Variants in HSD17B4 observed in about 807,000 individuals in gnomAD.
HSD17B4 encodes the protein peroxisomal multifunctional enzyme type 2.
In HSD17B4, 70 loss-of-function variants were observed where a neutral mutation model predicts 101.0. That is an observed-to-expected ratio of 0.69 (90% CI 0.57 to 0.85). HSD17B4 has a LOEUF of 0.85. Ranked by LOEUF, HSD17B4 falls within the 40% of genes least tolerant of loss-of-function variation. HSD17B4 has a pLI of 0.00. For missense variants in HSD17B4, 984 were observed against 892.4 expected (o/e 1.10, Z -1.31); for synonymous variants, 347 against 297.1 (o/e 1.17, Z -1.73).
intron 1 of HSD17B4, among the ~76,000 whole-genome samples, chr5:119,454,731 C>T (rs1242537930): frequency 6.6e-6 from 1 of 152,096 alleles, no homozygotes; most frequent in Non-Finnish European, 1.5e-5. Flanking sequence ...AAACAATTCT[C>T]CTACCTCAGC....
At chr5:119,540,712 G>T (rs1326371315) in intron 23 of HSD17B4, among the ~76,000 whole-genome samples, 1 of 152,158 alleles carries the variant, frequency 6.6e-6, no homozygotes, top group Non-Finnish European at 1.5e-5. Flanking sequence ...AAAAGTTGTT[G>T]CCTTTTCTCC....
intron 16 of HSD17B4, among the ~76,000 whole-genome samples, chr5:119,510,284 C>A (rs867490309): frequency 1.3e-5 from 2 of 152,180 alleles, no homozygotes; most frequent in East Asian, 3.8e-4. Context: ...AAATTGAACA[C>A]AAGTGATCCT....
intron 14 of HSD17B4, among the ~76,000 whole-genome samples, chr5:119,503,822 T>C (rs1473670285): frequency 6.6e-6 from 1 of 152,144 alleles, no homozygotes; most frequent in East Asian, 1.9e-4. Flanking sequence ...AGGAGGTACC[T>C]GTGCAGATTT....
chr5:119,534,427 G>A (rs2126908072), intron 22 of HSD17B4, among the ~76,000 whole-genome samples: 1 of 152,136 alleles, frequency 6.6e-6, no homozygotes, highest in Middle Eastern at 3.4e-3. Flanking sequence ...TTCTTTGACT[G>A]TTAGAGGTTA....
intron 5 of HSD17B4, 31 bp downstream of exon 5, chr5:119,475,758 T>G: frequency 3.2e-6 from 5 of 1,584,836 alleles, no homozygotes; most frequent in Non-Finnish European, 4.3e-6. Context: ...TTTAGTGATG[T>G]GTGTATAATT....
intron 1 of HSD17B4, among the ~76,000 whole-genome samples, chr5:119,453,537 A>AT (rs1204245069): frequency 2.0e-5 from 3 of 152,210 alleles, no homozygotes; most frequent in African/African-American, 7.2e-5. Flanking sequence ...GGATCTTGAC[A>AT]TTATGCACCT....
intron 21 of HSD17B4, among the ~76,000 whole-genome samples, chr5:119,530,852 A>C (rs1039538474): frequency 1.1e-4 from 16 of 144,404 alleles, no homozygotes; most frequent in African/African-American, 3.8e-4. Context: ...TCTCAAAAAA[A>C]AAAAAAAAAA....
intron 8 of HSD17B4, among the ~76,000 whole-genome samples, chr5:119,486,819 C>A (rs1749651938): frequency 6.6e-6 from 1 of 152,146 alleles, no homozygotes; most frequent in South Asian, 2.1e-4. Flanking sequence ...AAATGCTAAT[C>A]AATAGTTAAC....
At chr5:119,460,259 G>C (rs79512218) in intron 2 of HSD17B4, among the ~76,000 whole-genome samples, 16,466 of 152,224 alleles carry the variant, frequency 0.11, 1,087 homozygotes, top group South Asian at 0.15. Context: ...ACCATCCCAG[G>C]CTGCTTTAGG....
intron 23 of HSD17B4, among the ~76,000 whole-genome samples, chr5:119,537,749 C>T (rs1754651417): frequency 6.6e-6 from 1 of 152,020 alleles, no homozygotes; most frequent in Non-Finnish European, 1.5e-5. Context: ...CTTAAAGTAG[C>T]CATAGAGAAT....
chr5:119,488,478 G>A (rs1283510542), intron 8 of HSD17B4, among the ~76,000 whole-genome samples: 1 of 152,096 alleles, frequency 6.6e-6, no homozygotes, highest in Non-Finnish European at 1.5e-5. Context: ...ATAGCTAGAA[G>A]AGAAGATTTA....
Position 119,475,812 on chromosome 5 carries a change from T to A in HSD17B4, c.303-12T>A. On this transcript the variant is annotated splice_polypyrimidine_tract_variant and intron_variant, in intron 5 of 23. Coordinates refer to ENST00000510025, the MANE Select transcript of HSD17B4 (RefSeq NM_000414.4). ...TTTCCTCCTTTTACCCTATACAACATTGATTTTTTAGAATTCTGAGGGATC... is the reference window on the plus strand; with the variant it reads ...TTTCCTCCTTTTACCCTATACAACAATGATTTTTTAGAATTCTGAGGGATC... 1 of 1,599,214 alleles carries A rather than the reference T, an allele frequency of 6.3e-7. No individual in the cohort carries two copies. Among genetic ancestry groups the A allele is most frequent in the Non-Finnish European group, 8.6e-7 (1 of 1,166,660 alleles).
chr5:119,532,592 G>A (rs1416913650), intron 22 of HSD17B4, among the ~76,000 whole-genome samples: 2 of 151,872 alleles, frequency 1.3e-5, no homozygotes, highest in African/African-American at 4.8e-5. Context: ...ATATGATACT[G>A]AGATATTTCA....
rs755903732 is a variant in HSD17B4, at chr5:119,508,555, T to A, written c.1334-586T>A. Among the ~76,000 whole-genome samples, 42 of 152,346 alleles carry A rather than the reference T, an allele frequency of 2.8e-4. No homozygotes were observed. The Middle Eastern group carries it at 0.01, about 37-fold the overall frequency. On this transcript the variant is annotated intron_variant, in intron 15 of 23. Transcript: ENST00000510025. ...GTAAATAGAGGGACAGCTGTCTTATTCATTACTTGCTCACTTATTTGCTAA... is the reference window on the plus strand; with the variant it reads ...GTAAATAGAGGGACAGCTGTCTTATACATTACTTGCTCACTTATTTGCTAA...
intron 17 of HSD17B4, among the ~76,000 whole-genome samples, chr5:119,521,256 A>G (rs1753090273): frequency 6.6e-6 from 1 of 152,228 alleles, no homozygotes; most frequent in African/African-American, 2.4e-5. Context: ...TCTGATGCCA[A>G]TCTAATTATC....
chr5:119,475,894 T>C (rs1372576319), intron 6 of HSD17B4, 24 bp downstream of exon 6: 1 of 1,516,128 alleles, frequency 6.6e-7, no homozygotes, highest in Non-Finnish European at 9.2e-7. Flanking sequence ...AGTATTTCTC[T>C]GGGGAACATA....
chr5:119,461,742 A>G (rs962352340), intron 2 of HSD17B4, among the ~76,000 whole-genome samples: 1 of 145,630 alleles, frequency 6.9e-6, no homozygotes, highest in South Asian at 2.2e-4. Context: ...AAAAAAAGCC[A>G]CGTGTGGTGG....
chr5:119,529,972 C>A lies in HSD17B4; in HGVS notation c.1846C>A (p.Pro616Thr). ...AACATCTGGTACTTCAGCTAAGACA[C>A]CCTCTGAGGTAGGTTATAAAAATTA... ...APTSGTSAKTPSEGGKLQSTF... is the reference protein window; with the variant it reads ...APTSGTSAKTTSEGGKLQSTF... Residue 616 changes from proline to threonine, a missense_variant, in exon 21 of 24, where the codon CCC becomes ACC. Physicochemically the swap from Pro to Thr is conservative, Grantham distance 38. Coordinates refer to ENST00000510025, the MANE Select transcript of HSD17B4 (RefSeq NM_000414.4). 1.3e-6 allele frequency: 2 copies of A among 1,589,158 alleles called. No individual in the cohort carries two copies. The highest frequency in any genetic ancestry group is 2.7e-5 in the African/African-American group (2 of 74,340).
intron 17 of HSD17B4, among the ~76,000 whole-genome samples, chr5:119,521,021 G>T (rs781369910): frequency 6.6e-6 from 1 of 152,076 alleles, no homozygotes; most frequent in Non-Finnish European, 1.5e-5. Flanking sequence ...AGTTGAATAT[G>T]TCAACCCTTT....
Sources: gnomAD v4.1 joint callset for allele counts (sites outside exome capture counted in the v4.1 genomes callset) on GRCh38, gnomAD v4.1.1 for gene constraint, MANE v1.5 for transcripts, NCBI Gene and HGNC (gene_info 2026-07-23, HGNC 2026-07-21) for gene names.